The following ERBB4 variants were observed in gnomAD, a reference collection of about 807,000 sequenced individuals.
ERBB4 encodes the protein receptor tyrosine-protein kinase erbB-4.
In ERBB4, 42 loss-of-function variants were observed where a neutral mutation model predicts 158.0. The observed-to-expected ratio is 0.27, with a 90% confidence interval of 0.21 to 0.34. ERBB4 has a LOEUF of 0.34. Ranked by LOEUF, ERBB4 falls within the 10% of genes least tolerant of loss-of-function variation. The probability of loss-of-function intolerance (pLI) is 1.00; values close to 1 mark genes in which losing one functional copy is unlikely to be tolerated. For missense variants in ERBB4, 1,333 were observed against 1,624.1 expected, an observed-to-expected ratio of 0.82 and a Z score of 3.08; for synonymous variants, 583 against 558.7, an observed-to-expected ratio of 1.04 and a Z score of -0.61.
At chr2:212,447,710 A>G (rs2092382947) in intron 1 of ERBB4, among the ~76,000 whole-genome samples, 1 of 152,152 alleles carries the variant, frequency 6.6e-6, no homozygotes, top group Non-Finnish European at 1.5e-5. Flanking sequence ...ATGGGCCAAT[A>G]TAAGTATAAA....
In ERBB4 at chr2:211,797,374, A is replaced by C. The variant is rs116192527; in HGVS notation, c.422-9215T>G. Among the ~76,000 whole-genome samples, 1,072 of 152,014 alleles carry C rather than the reference A, an allele frequency of 7.1e-3. 6 individuals carry two copies. The highest frequency in any genetic ancestry group is 0.025 in the African/African-American group (1,024 of 41,542). ...GTCACTTTCAAATATCTCACCCACT[A>C]TATTAGTTTGTATAGTTTTAATAAC... On this transcript the variant is annotated intron_variant, in intron 3 of 27. Transcript: ENST00000342788.
intron 2 of ERBB4, among the ~76,000 whole-genome samples, chr2:212,052,797 C>A (rs926117963): frequency 1.8e-4 from 27 of 152,184 alleles, no homozygotes; most frequent in Admixed American, 1.8e-3. Flanking sequence ...TCCCTAATTT[C>A]TTTCAACACT....
At chr2:211,640,353 G>A (rs543565473) in intron 16 of ERBB4, among the ~76,000 whole-genome samples, 2 of 152,264 alleles carry the variant, frequency 1.3e-5, no homozygotes, top group South Asian at 2.1e-4. Flanking sequence ...TGAATGAAGT[G>A]AGATGGGAAA....
chr2:211,941,887 C>T (rs2125123052), intron 3 of ERBB4, among the ~76,000 whole-genome samples: 1 of 152,016 alleles, frequency 6.6e-6, no homozygotes, highest in African/African-American at 2.4e-5. Flanking sequence ...TTCTAAACAC[C>T]CCCAATGTGA....
At chr2:211,386,515 C>G (rs946290435) in intron 27 of ERBB4, among the ~76,000 whole-genome samples, 2 of 152,186 alleles carry the variant, frequency 1.3e-5, no homozygotes, top group Non-Finnish European at 2.9e-5. Flanking sequence ...GGTCCTGACA[C>G]TTTGTAGTAT....
chr2:211,443,314 T>C (rs2064032275), intron 20 of ERBB4, among the ~76,000 whole-genome samples: 1 of 152,118 alleles, frequency 6.6e-6, no homozygotes, highest in Non-Finnish European at 1.5e-5. Context: ...TTGCTTTTTA[T>C]TTTTTAGTAT....
chr2:212,189,301 C>G (rs1296959542), intron 1 of ERBB4, among the ~76,000 whole-genome samples: 1 of 152,122 alleles, frequency 6.6e-6, no homozygotes, highest in African/African-American at 2.4e-5. Flanking sequence ...TTCCTTAAAT[C>G]AGTTGAGTGA....
At position 211,657,964 on chromosome 2, in the gene ERBB4, G is replaced by A. The variant is rs181609648; in HGVS notation, c.1872-136C>T. On this transcript the variant is annotated intron_variant, in intron 15 of 27. Coordinates refer to ENST00000342788, the MANE Select transcript of ERBB4 (RefSeq NM_005235.3). ...ACACCAAGTACCTATCCATCAGGCC[G>A]ATGCAGTCTTCAATACTTGAGCCTA... 70 of 1,604,938 alleles carry A rather than the reference G, an allele frequency of 4.4e-5. No individual in the cohort carries two copies. The Admixed American group carries it at 7.2e-4, about 16-fold the overall frequency.
chr2:211,849,362 T>G (rs762791352), intron 3 of ERBB4, among the ~76,000 whole-genome samples: 1 of 152,020 alleles, frequency 6.6e-6, no homozygotes, highest in Admixed American at 6.6e-5. Flanking sequence ...ATTTGTACTT[T>G]TATTGTATAT....
chr2:212,099,358 GCTAT>G (rs2079019348), intron 2 of ERBB4, among the ~76,000 whole-genome samples: 2 of 152,016 alleles, frequency 1.3e-5, no homozygotes, highest in South Asian at 4.1e-4. Context: ...TAAGTCACAT[GCTAT>G]CTATCTAGTT....
intron 11 of ERBB4, 59 bp downstream of exon 11, chr2:211,704,045 C>T (rs1316175704): frequency 1.1e-6 from 1 of 939,868 alleles, no homozygotes; most frequent in Non-Finnish European, 1.8e-6. Flanking sequence ...TGACTTAATG[C>T]ACACACAATG....
At chr2:211,851,936 A>G (rs1192705488) in intron 3 of ERBB4, among the ~76,000 whole-genome samples, 4 of 151,958 alleles carry the variant, frequency 2.6e-5, no homozygotes, top group Non-Finnish European at 5.9e-5. Context: ...ATTAAGCCCA[A>G]TAAGACCTTT....
intron 1 of ERBB4, among the ~76,000 whole-genome samples, chr2:212,514,546 C>A (rs927128984): frequency 3.9e-5 from 6 of 152,094 alleles, no homozygotes; most frequent in Non-Finnish European, 7.4e-5. Flanking sequence ...GTGGCTCATG[C>A]CTGTAATCCC....
At chr2:212,415,731 T>A (rs1029917177) in intron 1 of ERBB4, among the ~76,000 whole-genome samples, 1 of 152,130 alleles carries the variant, frequency 6.6e-6, no homozygotes, top group East Asian at 1.9e-4. Context: ...GAGTGTCTAG[T>A]TAAATATCAC....
chr2:212,538,761 AGTGTGCTCGGTGT>A lies in ERBB4; in HGVS notation c.-244_-232del. 2.6e-6 allele frequency: 1 copy of A among 389,840 alleles called. No homozygotes were observed. Among genetic ancestry groups the A allele is most frequent in the Non-Finnish European group, 4.4e-6 (1 of 224,956 alleles). The allele number at this position is 389,840 out of a possible 1,614,324, so 24.1% of individuals were successfully genotyped here. ...GTGAGCGCGTGTGTGCGCGTGTGGGAGTGTGCTCGGTGTGTGCGCTTGGCGCTCTGGGCCGGAC... is the reference window on the plus strand; with the variant it reads ...GTGAGCGCGTGTGTGCGCGTGTGGGAGTGCGCTTGGCGCTCTGGGCCGGAC... On this transcript the variant is annotated 5_prime_UTR_variant, in exon 1 of 28. Transcript: ENST00000342788.
intron 4 of ERBB4, among the ~76,000 whole-genome samples, chr2:211,760,334 A>G (rs1486220281): frequency 6.6e-6 from 1 of 152,224 alleles, no homozygotes; most frequent in Non-Finnish European, 1.5e-5. Context: ...CACATCTATC[A>G]TATTTGACCT....
At chr2:211,397,919 CTCAAATTGG>C (rs2062954431) in intron 25 of ERBB4, among the ~76,000 whole-genome samples, 2 of 152,288 alleles carry the variant, frequency 1.3e-5, no homozygotes, top group South Asian at 2.1e-4. Flanking sequence ...GTAAAATCTT[CTCAAATTGG>C]TCAAATTGGT....
intron 20 of ERBB4, among the ~76,000 whole-genome samples, chr2:211,553,591 C>T (rs1485859604): frequency 1.3e-5 from 2 of 152,136 alleles, no homozygotes; most frequent in African/African-American, 4.8e-5. Flanking sequence ...TAAAATAACA[C>T]ATAGTTTACA....
chr2:212,403,053 A>T (rs984371683), intron 1 of ERBB4, among the ~76,000 whole-genome samples: 21 of 152,110 alleles, frequency 1.4e-4, no homozygotes, highest in Non-Finnish European at 2.4e-4. Context: ...TAAAACAATT[A>T]TTTTATAAAC....
Sources: gnomAD v4.1 joint callset for allele counts (sites outside exome capture counted in the v4.1 genomes callset) on GRCh38, gnomAD v4.1.1 for gene constraint, MANE v1.5 for transcripts, NCBI Gene and HGNC (gene_info 2026-07-23, HGNC 2026-07-21) for gene names.